The following ZFHX2 variants were observed in gnomAD, a reference collection of about 807,000 sequenced individuals.
The protein encoded by ZFHX2 is zinc finger homeobox 2.
ZFHX2 carries 75 observed loss-of-function variants against 164.8 expected under a neutral mutation model. The ratio of observed to expected loss-of-function variants is 0.46; its 90% CI spans 0.38 to 0.55. The LOEUF (loss-of-function observed/expected upper bound fraction) is 0.55. Ranked by LOEUF, ZFHX2 falls within the 20% of genes least tolerant of loss-of-function variation. The probability of loss-of-function intolerance (pLI) is 0.00; values close to 1 mark genes in which losing one functional copy is unlikely to be tolerated. For missense variants in ZFHX2, 2,933 were observed against 3,308.0 expected, an observed-to-expected ratio of 0.89 and a Z score of 2.78; for synonymous variants, 1,217 against 1,351.4, an observed-to-expected ratio of 0.90 and a Z score of 2.18.
rs771697624 is a variant in ZFHX2, at chr14:23,534,518, C to G, written c.808G>C (p.Gly270Arg). 3.3e-6 allele frequency: 5 copies of G among 1,536,128 alleles called. No homozygotes were observed. Among genetic ancestry groups the G allele is most frequent in the Non-Finnish European group, 4.4e-6 (5 of 1,146,902 alleles). The change falls in exon 2 of 10, where the codon GGC becomes CGC. Residue 270 changes from glycine to arginine, a missense_variant. Physicochemically the swap from Gly to Arg is moderately radical, Grantham distance 125. Transcript: ENST00000419474. The surrounding 1 kb of genome is among the most constrained non-coding windows in gnomAD (Gnocchi z 4.5). ...AGTACAGCTGGGCTACCTGACAGGC[C>G]CTGATATTGGGCAGGGGTTAGCTTC... ...GVKLTPAQYQ[G>R]LSGSPAVLQE...
rs1346482627 is a variant in ZFHX2, at chr14:23,521,929, G to A, written c.*33C>T. The A allele has an allele frequency of 3.3e-6, 5 of 1,535,030 alleles. No homozygotes were observed. Among genetic ancestry groups the A allele is most frequent in the Non-Finnish European group, 3.5e-6 (4 of 1,146,680 alleles). On this transcript the variant is annotated 3_prime_UTR_variant, in exon 10 of 10. Coordinates refer to ENST00000419474, the MANE Select transcript of ZFHX2 (RefSeq NM_033400.3). ...CTTGGGGTAAAAGAGGGAGCCCTGAGGCCCTCCCCTCTCCCCATCTTGGTT... is the reference window on the plus strand; with the variant it reads ...CTTGGGGTAAAAGAGGGAGCCCTGAAGCCCTCCCCTCTCCCCATCTTGGTT...
chr14:23,535,936 C>A lies in ZFHX2; in HGVS notation c.-49-562G>T, dbSNP rs996620210. On this transcript the variant is annotated intron_variant, in intron 1 of 9. Coordinates refer to ENST00000419474, the MANE Select transcript of ZFHX2 (RefSeq NM_033400.3). The surrounding 1 kb of genome is among the most constrained non-coding windows in gnomAD (Gnocchi z 4.5). ...CCTGAACCTGCTCCTCCCCATCTTT[C>A]CTATCTCCAAAGTTGGTACCAACAT... 4.6e-5 allele frequency among the ~76,000 whole-genome samples: 7 copies of A among 152,150 alleles called. 1 individual carries two copies. Among genetic ancestry groups the A allele is most frequent in the African/African-American group, 2.4e-5 (1 of 41,440 alleles).
chr14:23,550,168 G>T (rs1247759009), intron 1 of ZFHX2, among the ~76,000 whole-genome samples: 1 of 152,228 alleles, frequency 6.6e-6, no homozygotes, highest in African/African-American at 2.4e-5. Flanking sequence ...ACAGGCACAT[G>T]GCAAAGGGGA....
Position 23,522,423 on chromosome 14 carries a change from CAGG to C in ZFHX2, c.7255_7257del (p.Pro2419del). ...TCCCCCTCCCCTGGAGCAGGCAGTT[CAGG>C]AGGCTTTGGAGGTGCTGTGGCTGTG... On this transcript the variant is annotated inframe_deletion, in exon 10 of 10. Transcript: ENST00000419474. 6.5e-7 allele frequency: 1 copy of C among 1,536,452 alleles called. No individual in the cohort carries two copies. The highest frequency in any genetic ancestry group is 8.7e-7 in the Non-Finnish European group (1 of 1,146,926).
chr14:23,522,988 A>G (rs1219180152), intron 9 of ZFHX2, 47 bp from the exon 10 acceptor site: 3 of 1,424,846 alleles, frequency 2.1e-6, no homozygotes, highest in South Asian at 3.1e-5. Flanking sequence ...CTCCTGTCCC[A>G]TCATTCTTCC....
intron 1 of ZFHX2, among the ~76,000 whole-genome samples, chr14:23,538,589 C>T (rs1189012063): frequency 6.6e-6 from 1 of 152,120 alleles, no homozygotes; most frequent in African/African-American, 2.4e-5. Context: ...TCCTCAGACC[C>T]ATCGCCATTC....
intron 1 of ZFHX2, among the ~76,000 whole-genome samples, chr14:23,549,312 A>T (rs1042930789): frequency 6.6e-6 from 1 of 151,942 alleles, no homozygotes; most frequent in South Asian, 2.1e-4. Flanking sequence ...TATTGCACCG[A>T]CCACCCCTTT....
chr14:23,523,210 G>A lies in ZFHX2; in HGVS notation c.6732C>T (p.Phe2244=). The change falls in exon 9 of 10, where the codon TTC becomes TTT. Residue 2244 remains phenylalanine (F), a synonymous_variant. Coordinates refer to ENST00000419474, the MANE Select transcript of ZFHX2 (RefSeq NM_033400.3). This position sits in a 1 kb window ranked among gnomAD's most constrained non-coding sequence, Gnocchi z 4.1. The part of the protein sequence containing the change: ...AQPPLGNLAP[F]NSGPAASSGL... The stretch of plus-strand genomic sequence containing the variant: ...CCCAGCCTCCCTACTCACCTGAATT[G>A]AAAGGAGCTAAGTTGCCCAGCGGGG... 7.0e-7 allele frequency: 1 copy of A among 1,423,712 alleles called. No individual in the cohort carries two copies. Among genetic ancestry groups the A allele is most frequent in the Non-Finnish European group, 9.1e-7 (1 of 1,093,834 alleles). The allele number at this position is 1,423,712 out of a possible 1,614,324, so 88.2% of individuals were successfully genotyped here.
chr14:23,545,484 A>G (rs1193317584), intron 1 of ZFHX2, among the ~76,000 whole-genome samples: 1 of 151,984 alleles, frequency 6.6e-6, no homozygotes, highest in Non-Finnish European at 1.5e-5. Context: ...TCCCATCTCC[A>G]AGTCATGGGT....
Position 23,524,163 on chromosome 14 carries a change from G to A in ZFHX2, c.5779C>T (p.Pro1927Ser). Residue 1927 changes from proline to serine, a missense_variant, in exon 9 of 10, where the codon CCA (proline) becomes TCA (serine). Pro to Ser is a moderately conservative substitution (Grantham distance 74). Coordinates refer to ENST00000419474, the MANE Select transcript of ZFHX2 (RefSeq NM_033400.3). This position sits in a 1 kb window ranked among gnomAD's most constrained non-coding sequence, Gnocchi z 5.6. ...GCTGTGGCAGGCGGTTTCACTGCTG[G>A]ACTAGGCACCCCCCCAGGGGTGCTT... is the stretch of plus-strand genomic sequence containing the variant. ...FRSTPGGVPS[P>S]AVKPPATATP... is the part of the protein sequence containing the mutation. The A allele has an allele frequency of 1.3e-6, 2 of 1,536,060 alleles. No individual in the cohort carries two copies. The highest frequency in any genetic ancestry group is 2.4e-5 in the East Asian group (1 of 40,906).
At position 23,546,231 on chromosome 14, in the gene ZFHX2, T is replaced by C. The variant is rs80076078; in HGVS notation, c.-50+5112A>G. 1.6e-4 allele frequency among the ~76,000 whole-genome samples: 24 copies of C among 152,302 alleles called. No homozygotes were observed. Among genetic ancestry groups the C allele is most frequent in the Admixed American group, 5.9e-4 (9 of 15,304 alleles). On this transcript the variant is annotated intron_variant, in intron 1 of 9. Coordinates refer to ENST00000419474, the MANE Select transcript of ZFHX2 (RefSeq NM_033400.3). The surrounding 1 kb of genome is among the most constrained non-coding windows in gnomAD (Gnocchi z 4.7). ...TTCTGATTGCACAGGCCCCTGTGCATGCGACATTCCAGTTGATGGTCCTGC... is the reference window on the plus strand; with the variant it reads ...TTCTGATTGCACAGGCCCCTGTGCACGCGACATTCCAGTTGATGGTCCTGC...
In ZFHX2 at chr14:23,526,260, C is replaced by A. The variant is rs1878698791; in HGVS notation, c.3682G>T (p.Ala1228Ser). ...KMKKAAIDPSAPARGEAGAPP... is the reference protein window; with the variant it reads ...KMKKAAIDPSSPARGEAGAPP... ...GCACCGGCCTCTCCCCGTGCAGGGG[C>A]AGAGGGGTCAATGGCAGCCTTCTTC... Residue 1228 changes from alanine to serine, a missense_variant, in exon 9 of 10, where the codon GCC becomes TCC. Coordinates refer to ENST00000419474, the MANE Select transcript of ZFHX2 (RefSeq NM_033400.3). 2 of 1,536,200 alleles carry A rather than the reference C, an allele frequency of 1.3e-6. No individual in the cohort carries two copies. Among genetic ancestry groups the A allele is most frequent in the Admixed American group, 3.9e-5 (2 of 50,976 alleles).
Position 23,522,197 on chromosome 14 carries a change from T to A in ZFHX2, c.7484A>T (p.Tyr2495Phe). The change falls in exon 10 of 10, where the codon TAC becomes TTC. Residue 2495 changes from tyrosine to phenylalanine, a missense_variant. Coordinates refer to ENST00000419474, the MANE Select transcript of ZFHX2 (RefSeq NM_033400.3). ...PPPLRVPICT[Y>F]HCLACEVLLS... is the part of the protein sequence containing the mutation. ...CAGCACCTCACATGCCAGGCAGTGGTAGGTGCAGATGGGCACCCGCAATGG... is the reference window on the plus strand; with the variant it reads ...CAGCACCTCACATGCCAGGCAGTGGAAGGTGCAGATGGGCACCCGCAATGG... 6.7e-7 allele frequency: 1 copy of A among 1,488,598 alleles called. No individual in the cohort carries two copies. Among genetic ancestry groups the A allele is most frequent in the South Asian group, 1.3e-5 (1 of 74,836 alleles). 92.2% of individuals were successfully genotyped at this position (1,488,598 alleles called of 1,614,324 possible).
intron 6 of ZFHX2, chr14:23,528,904 G>C (rs1879147220): frequency 2.2e-6 from 2 of 906,226 alleles, no homozygotes; most frequent in Non-Finnish European, 2.6e-6. Flanking sequence ...TCAGGGAGGG[G>C]ATGACTGTAA....
In ZFHX2 at chr14:23,531,621, T is replaced by C; in HGVS notation, c.2660A>G (p.Gln887Arg). The C allele has an allele frequency of 6.6e-7, 1 of 1,523,704 alleles. No homozygotes were observed. Among genetic ancestry groups the C allele is most frequent in the Non-Finnish European group, 8.8e-7 (1 of 1,139,124 alleles). 94.4% of individuals were successfully genotyped at this position (1,523,704 alleles called of 1,614,324 possible). A position where few individuals can be genotyped will look rare whatever the true frequency, so the allele number is the denominator to read the frequency against. Residue 887 changes from glutamine (Q) to arginine (R), a missense_variant, in exon 4 of 10, where the codon CAA (glutamine) becomes CGA (arginine). By Grantham distance (43) the Gln-to-Arg change is conservative. Coordinates refer to ENST00000419474, the MANE Select transcript of ZFHX2 (RefSeq NM_033400.3). Reference protein sequence around the residue: ...WETPSRLAVLQHLRTPAHRDA... With the variant: ...WETPSRLAVLRHLRTPAHRDA... Reference sequence around the variant, plus strand: ...GCGGTGGGCAGGTGTGCGCAGGTGTTGCAGCACAGCCAAGCGGGAGGGTGT... The same window carrying C: ...GCGGTGGGCAGGTGTGCGCAGGTGTCGCAGCACAGCCAAGCGGGAGGGTGT...
rs1216590403 is a variant in ZFHX2 at position 23,534,299 on chromosome 14, G to T, written c.1027C>A (p.Leu343Ile). ...LILLDEEVMA[L>I]SPPSPPTATW... ...GCTGTGGGTGGAGAGGGTGGGCTGAGGGCCATAACTTCTTCATCCAGGAGG... is the reference window on the plus strand; with the variant it reads ...GCTGTGGGTGGAGAGGGTGGGCTGATGGCCATAACTTCTTCATCCAGGAGG... The change falls in exon 2 of 10, where the codon CTC (leucine) becomes ATC (isoleucine). Residue 343 changes from leucine to isoleucine, a missense_variant. By Grantham distance (5) the Leu-to-Ile change is conservative (BLOSUM62 2). Transcript: ENST00000419474. The surrounding 1 kb of genome is among the most constrained non-coding windows in gnomAD (Gnocchi z 4.5). 6.5e-7 allele frequency: 1 copy of T among 1,534,646 alleles called. No homozygotes were observed. The highest frequency in any genetic ancestry group is 8.7e-7 in the Non-Finnish European group (1 of 1,145,562).
At position 23,522,432 on chromosome 14, in the gene ZFHX2, T is replaced by G. The variant is rs569012660; in HGVS notation, c.7249A>C (p.Lys2417Gln). The G allele has an allele frequency of 1.3e-5, 20 of 1,536,318 alleles. No homozygotes were observed. Among genetic ancestry groups the G allele is most frequent in the Middle Eastern group, 1.7e-4 (1 of 5,984 alleles). Residue 2417 changes from lysine (K) to glutamine (Q), a missense_variant, in exon 10 of 10, where the codon AAG (lysine) becomes CAG (glutamine). Transcript: ENST00000419474. ...CCTGGAGCAGGCAGTTCAGGAGGCT[T>G]TGGAGGTGCTGTGGCTGTGGGCTCA... ...PPEPTATAPP[K>Q]PPELPAPGEG...
Position 23,525,146 on chromosome 14 carries a change from C to G in ZFHX2, c.4796G>C (p.Arg1599Thr), listed in dbSNP as rs1387295787. ...GGTCTGGAACTCTGTGAACTTGGTT[C>G]TGGAGAACCGGCGGCCGGCAGGCAC... ...PLVPAGRRFSRTKFTEFQTQA... is the reference protein window; with the variant it reads ...PLVPAGRRFSTTKFTEFQTQA... Residue 1599 changes from arginine (R) to threonine (T), a missense_variant, in exon 9 of 10, where the codon AGA becomes ACA. By Grantham distance (71) the Arg-to-Thr change is moderately conservative. Transcript: ENST00000419474. The surrounding 1 kb of genome is among the most constrained non-coding windows in gnomAD (Gnocchi z 5.9). The G allele has an allele frequency of 3.9e-6, 6 of 1,536,048 alleles. No homozygotes were observed. The highest frequency in any genetic ancestry group is 1.4e-5 in the African/African-American group (1 of 73,062).
At chr14:23,529,855 C>T in intron 5 of ZFHX2, 87 bp from the exon 6 acceptor site, 1 of 1,372,358 alleles carries the variant, frequency 7.3e-7, no homozygotes, top group Non-Finnish European at 1.0e-6. Flanking sequence ...GGGAGTTGGG[C>T]ACTAGAGAAA....
Sources: gnomAD v4.1 joint callset for allele counts (sites outside exome capture counted in the v4.1 genomes callset) on GRCh38, gnomAD v4.1.1 for gene constraint, Gnocchi (gnomAD v3.1) non-coding constraint, MANE v1.5 for transcripts, NCBI Gene and HGNC (gene_info 2026-07-23, HGNC 2026-07-21) for gene names.